The following PLEKHG3 variants were observed in gnomAD, a reference collection of about 807,000 sequenced individuals.
The protein encoded by PLEKHG3 is pleckstrin homology domain-containing family G member 3.
In PLEKHG3, 62 loss-of-function variants were observed where a neutral mutation model predicts 94.9. That is an observed-to-expected ratio of 0.65 (90% CI 0.53 to 0.81). PLEKHG3 has a LOEUF of 0.81. Among genes scored for constraint, PLEKHG3 ranks in the 30% least tolerant of loss-of-function variants. The pLI, the probability that PLEKHG3 is intolerant of heterozygous loss-of-function variation, is 0.00. For synonymous variants in PLEKHG3, 614 were observed against 654.0 expected (o/e 0.94, Z 0.93); for missense variants, 1,461 against 1,619.3 (o/e 0.90, Z 1.68).
Position 64,732,779 on chromosome 14 carries a change from T to C in PLEKHG3, c.1247-24T>C, listed in dbSNP as rs1282650812. On this transcript the variant is annotated intron_variant, in intron 11 of 16. Coordinates refer to ENST00000247226, the MANE Select transcript of PLEKHG3 (RefSeq NM_001308147.2). This position sits in a 1 kb window ranked among gnomAD's most constrained non-coding sequence, Gnocchi z 4.9. Reference sequence around the variant, plus strand: ...CAAGGCCAATTGGGAATCAAAAGCTTGATCGTCTCTCTCCTGGGTGCAGAT... The same window carrying C: ...CAAGGCCAATTGGGAATCAAAAGCTCGATCGTCTCTCTCCTGGGTGCAGAT... The C allele has an allele frequency of 1.9e-6, 3 of 1,569,682 alleles. No homozygotes were observed. Among genetic ancestry groups the C allele is most frequent in the African/African-American group, 1.3e-5 (1 of 74,438 alleles).
Position 64,728,650 on chromosome 14 carries a change from G to A in PLEKHG3, c.352-346G>A, listed in dbSNP as rs946173435. 6.6e-6 allele frequency among the ~76,000 whole-genome samples: 1 copy of A among 152,118 alleles called. No homozygotes were observed. Among genetic ancestry groups the A allele is most frequent in the African/African-American group, 2.4e-5 (1 of 41,416 alleles). On this transcript the variant is annotated intron_variant, in intron 2 of 16. Coordinates refer to ENST00000247226, the MANE Select transcript of PLEKHG3 (RefSeq NM_001308147.2). This position sits in a 1 kb window ranked among gnomAD's most constrained non-coding sequence, Gnocchi z 5.9. ...GTCCTGGCAGTCTTTGACATTGTTG[G>A]CCTGGAGATGCGGCCCAGCACCTTC...
At position 64,749,354 on chromosome 14, in the gene PLEKHG3, G is replaced by A; in HGVS notation, c.*5651G>A. 6.2e-7 allele frequency: 1 copy of A among 1,610,472 alleles called. No individual in the cohort carries two copies. Among genetic ancestry groups the A allele is most frequent in the Non-Finnish European group, 8.5e-7 (1 of 1,179,612 alleles). On this transcript the variant is annotated 3_prime_UTR_variant, in exon 17 of 17. Coordinates refer to ENST00000247226, the MANE Select transcript of PLEKHG3 (RefSeq NM_001308147.2). This position sits in a 1 kb window ranked among gnomAD's most constrained non-coding sequence, Gnocchi z 4.7. ...TGAATCTCTTCTCCTTGTCTTTCTTGCCGAGGCTGGCGTCGGGGCCGGAGA... is the reference window on the plus strand; with the variant it reads ...TGAATCTCTTCTCCTTGTCTTTCTTACCGAGGCTGGCGTCGGGGCCGGAGA...
rs1425394527 is a variant in PLEKHG3, at chr14:64,727,938, G to T, written c.307G>T (p.Glu103Ter). 6.2e-7 allele frequency: 1 copy of T among 1,605,740 alleles called. No homozygotes were observed. Among genetic ancestry groups the T allele is most frequent in the Non-Finnish European group, 8.5e-7 (1 of 1,174,032 alleles). The change falls in exon 2 of 17, where the codon GAG (glutamate) becomes TAG (stop). Residue 103 changes from glutamate to a stop codon, truncating the protein, a stop_gained. Transcript: ENST00000247226. LOFTEE classifies it high-confidence loss of function. This position sits in a 1 kb window ranked among gnomAD's most constrained non-coding sequence, Gnocchi z 6.0. Reference protein sequence around the residue: ...YLGRVVREIVETERMYVQDLR... With the variant: ...YLGRVVREIV Reference sequence around the variant, plus strand: ...GGGCCGAGTGGTGCGGGAGATCGTGGAGACAGAGCGCATGTACGTACAGGA... The same window carrying T: ...GGGCCGAGTGGTGCGGGAGATCGTGTAGACAGAGCGCATGTACGTACAGGA...
chr14:64,732,165 CCA>C lies in PLEKHG3; in HGVS notation c.1198_1199del (p.Thr400HisfsTer36). 1 of 1,613,408 alleles carries C rather than the reference CCA, an allele frequency of 6.2e-7. No individual in the cohort carries two copies. The highest frequency in any genetic ancestry group is 8.5e-7 in the Non-Finnish European group (1 of 1,179,398). On this transcript the variant is annotated frameshift_variant, in exon 10 of 17. Transcript: ENST00000247226. LOFTEE classifies it high-confidence loss of function. The surrounding 1 kb of genome is among the most constrained non-coding windows in gnomAD (Gnocchi z 4.9). ...AGGCTCATCCTAGAGAACCACCATG[CCA>C]CCATTCCCCAGAAGGTGAGTTCCCC...
chr14:64,730,141 A>G lies in PLEKHG3; in HGVS notation c.450-102A>G, dbSNP rs558542175. ...AGCCCCAGTTCTTTAGCAAAGCAAT[A>G]GGGCTGGCTGTCAGTCAGGGTTTGG... On this transcript the variant is annotated intron_variant, in intron 3 of 16. Coordinates refer to ENST00000247226, the MANE Select transcript of PLEKHG3 (RefSeq NM_001308147.2). This position sits in a 1 kb window ranked among gnomAD's most constrained non-coding sequence, Gnocchi z 5.4. The G allele has an allele frequency of 1.9e-3, 1,254 of 674,244 alleles. 4 individuals are homozygous for G. Among genetic ancestry groups the G allele is most frequent in the Non-Finnish European group, 2.8e-3 (1,079 of 379,672 alleles). 41.8% of individuals were successfully genotyped at this position (674,244 alleles called of 1,614,324 possible).
chr14:64,730,821 T>C lies in PLEKHG3; in HGVS notation c.589T>C (p.Cys197Arg), dbSNP rs751395632. 1 of 1,613,482 alleles carries C rather than the reference T, an allele frequency of 6.2e-7. No homozygotes were observed. The highest frequency in any genetic ancestry group is 2.2e-5 in the East Asian group (1 of 44,860). The change falls in exon 6 of 17, where the codon TGC (cysteine) becomes CGC (arginine). Residue 197 changes from cysteine (C) to arginine (R), a missense_variant. By Grantham distance (180) the Cys-to-Arg change is radical (BLOSUM62 -3). Transcript: ENST00000247226. This position sits in a 1 kb window ranked among gnomAD's most constrained non-coding sequence, Gnocchi z 5.4. ...YPNSVAALTE[C>R]MRDKQQAKFF... The stretch of plus-strand genomic sequence containing the variant: ...CAGCTCCGTGGCCGCCCTGACGGAA[T>C]GCATGCGGGACAAGCAGCAGGCCAA...
chr14:64,713,506 T>C (rs1252094833), intron 1 of PLEKHG3, among the ~76,000 whole-genome samples: 1 of 152,248 alleles, frequency 6.6e-6, no homozygotes, highest in East Asian at 1.9e-4. Context: ...TGTCAGTGGT[T>C]TGTGCCCTTC....
At position 64,730,427 on chromosome 14, in the gene PLEKHG3, T is replaced by G; in HGVS notation, c.519+115T>G. ...GGGGATTCCTTTCCAGGGAAAGTCC[T>G]GGGTGCTCTATCTTGAATGAGAAGG... On this transcript the variant is annotated intron_variant, in intron 4 of 16. Coordinates refer to ENST00000247226, the MANE Select transcript of PLEKHG3 (RefSeq NM_001308147.2). The surrounding 1 kb of genome is among the most constrained non-coding windows in gnomAD (Gnocchi z 5.4). The G allele has an allele frequency of 5.1e-6, 4 of 791,062 alleles. No individual in the cohort carries two copies. Among genetic ancestry groups the G allele is most frequent in the Non-Finnish European group, 8.4e-6 (4 of 474,322 alleles). 49.0% of individuals were successfully genotyped at this position (791,062 alleles called of 1,614,324 possible). A position where few individuals can be genotyped will look rare whatever the true frequency, so the allele number is the denominator to read the frequency against.
At chr14:64,709,605 G>A (rs1321186997) in intron 1 of PLEKHG3, among the ~76,000 whole-genome samples, 1 of 152,092 alleles carries the variant, frequency 6.6e-6, no homozygotes, top group African/African-American at 2.4e-5. Flanking sequence ...GGGACTGGAA[G>A]GGAAAGATGC....
Position 64,748,170 on chromosome 14 carries a change from A to AAGAC in PLEKHG3, c.*4469_*4472dup, listed in dbSNP as rs1421871444. On this transcript the variant is annotated 3_prime_UTR_variant, in exon 17 of 17. Coordinates refer to ENST00000247226, the MANE Select transcript of PLEKHG3 (RefSeq NM_001308147.2). ...TAGCTGTCACATGGGTGGTGATACC[A>AAGAC]AGACATGGCTGCGTCTGCCACCCCG... 4.7e-5 allele frequency: 7 copies of AAGAC among 149,624 alleles called. No homozygotes were observed. Among genetic ancestry groups the AAGAC allele is most frequent in the African/African-American group, 1.8e-4 (7 of 39,020 alleles). 9.3% of individuals were successfully genotyped at this position (149,624 alleles called of 1,614,324 possible). A position where few individuals can be genotyped will look rare whatever the true frequency, so the allele number is the denominator to read the frequency against.
chr14:64,708,291 A>G (rs1378225279), intron 1 of PLEKHG3, among the ~76,000 whole-genome samples: 1 of 152,074 alleles, frequency 6.6e-6, no homozygotes, highest in Non-Finnish European at 1.5e-5. Flanking sequence ...GCCAGACTCA[A>G]TGAATCACAC....
At chr14:64,736,332 C>T (rs922629181) in intron 12 of PLEKHG3, among the ~76,000 whole-genome samples, 2 of 152,248 alleles carry the variant, frequency 1.3e-5, no homozygotes, top group South Asian at 2.1e-4. Flanking sequence ...CAGCGGTCAG[C>T]GAGGCTTCGT....
At position 64,716,974 on chromosome 14, in the gene PLEKHG3, C is replaced by G. The variant is rs2081176375; in HGVS notation, c.-39-10619C>G. ...GTTTCTTAGGCGTCTCTGGTGAGGC[C>G]CCTTAGTAGGGGAAGCGGGGAACAT... On this transcript the variant is annotated intron_variant, in intron 1 of 16. Transcript: ENST00000247226. The surrounding 1 kb of genome is among the most constrained non-coding windows in gnomAD (Gnocchi z 5.0). 6.6e-6 allele frequency among the ~76,000 whole-genome samples: 1 copy of G among 152,120 alleles called. No individual in the cohort carries two copies. The highest frequency in any genetic ancestry group is 2.4e-5 in the African/African-American group (1 of 41,420).
In PLEKHG3 at chr14:64,744,799, A is replaced by T; in HGVS notation, c.*1096A>T. 1 of 125,188 alleles carries T rather than the reference A, an allele frequency of 8.0e-6. No individual in the cohort carries two copies. The highest frequency in any genetic ancestry group is 3.6e-5 in the African/African-American group (1 of 27,740). The allele number at this position is 125,188 out of a possible 1,614,324, so 7.8% of individuals were successfully genotyped here. A position where few individuals can be genotyped will look rare whatever the true frequency, so the allele number is the denominator to read the frequency against. ...TTTTTTTTTTTTTTTTTTGAGACAGAGTCTTATTCTGTCACCCAGGCTGGA... is the reference window on the plus strand; with the variant it reads ...TTTTTTTTTTTTTTTTTTGAGACAGTGTCTTATTCTGTCACCCAGGCTGGA... On this transcript the variant is annotated 3_prime_UTR_variant, in exon 17 of 17. Coordinates refer to ENST00000247226, the MANE Select transcript of PLEKHG3 (RefSeq NM_001308147.2).
rs1281905685 is a variant in PLEKHG3 at position 64,725,715 on chromosome 14, T to C, written c.-39-1878T>C. Among the ~76,000 whole-genome samples, 2 of 152,162 alleles carry C rather than the reference T, an allele frequency of 1.3e-5. No homozygotes were observed. The highest frequency in any genetic ancestry group is 4.8e-5 in the African/African-American group (2 of 41,422). ...GCACTGGGCTGCCACTGAGTCCCCA[T>C]CTGCAAGTTGAGAGGCTCATACAGA... On this transcript the variant is annotated intron_variant, in intron 1 of 16. Coordinates refer to ENST00000247226, the MANE Select transcript of PLEKHG3 (RefSeq NM_001308147.2). This position sits in a 1 kb window ranked among gnomAD's most constrained non-coding sequence, Gnocchi z 5.0.
rs150312118 is a variant in PLEKHG3, at chr14:64,741,341, A to T, written c.1824A>T (p.Arg608=). 6.2e-7 allele frequency: 1 copy of T among 1,613,504 alleles called. No homozygotes were observed. The highest frequency in any genetic ancestry group is 8.5e-7 in the Non-Finnish European group (1 of 1,180,036). The change falls in exon 16 of 17, where the codon CGA becomes CGT. Residue 608 remains arginine, a synonymous_variant. Transcript: ENST00000247226. The part of the protein sequence containing the change: ...VLDQASVIAE[R]FVSSFSRRSS... ...ACCAGGCCAGCGTCATTGCGGAGCG[A>T]TTTGTCAGCAGCTTCTCTCGGCGGA...
rs1022848840 is a variant in PLEKHG3 at position 64,716,048 on chromosome 14, C to A, written c.-40+11344C>A. ...GGGACAATGCGGCTGCCCGGCCCCT[C>A]GCCACCCTCGTGGTGCCCGGATGGG... On this transcript the variant is annotated intron_variant, in intron 1 of 16. Coordinates refer to ENST00000247226, the MANE Select transcript of PLEKHG3 (RefSeq NM_001308147.2). This position sits in a 1 kb window ranked among gnomAD's most constrained non-coding sequence, Gnocchi z 5.0. 1 of 456,212 alleles carries A rather than the reference C, an allele frequency of 2.2e-6. No individual in the cohort carries two copies. 28.3% of individuals were successfully genotyped at this position (456,212 alleles called of 1,614,324 possible).
rs1457427556 is a variant in PLEKHG3, at chr14:64,749,284, C to T, written c.*5581C>T. 7 of 1,560,952 alleles carry T rather than the reference C, an allele frequency of 4.5e-6. No homozygotes were observed. The South Asian group carries it at 4.6e-5, about 10-fold the overall frequency. On this transcript the variant is annotated 3_prime_UTR_variant, in exon 17 of 17. Transcript: ENST00000247226. The surrounding 1 kb of genome is among the most constrained non-coding windows in gnomAD (Gnocchi z 4.7). ...CCGGTCTCTGCGCGTCCCGACTCCGCCGCGCCCGCCAGCCCCACCTGCTAC... is the reference window on the plus strand; with the variant it reads ...CCGGTCTCTGCGCGTCCCGACTCCGTCGCGCCCGCCAGCCCCACCTGCTAC...
Position 64,717,757 on chromosome 14 carries a change from C to CAGCCAG in PLEKHG3, c.-39-9836_-39-9835insAGCCAG, listed in dbSNP as rs2081194359. Among the ~76,000 whole-genome samples, 1 of 152,232 alleles carries CAGCCAG rather than the reference C, an allele frequency of 6.6e-6. No homozygotes were observed. The highest frequency in any genetic ancestry group is 1.5e-5 in the Non-Finnish European group (1 of 68,048). ...CGAAGCTGTCTCTGAATAGCCAGCACCTTCCTGGGCTTCTGCATTCTTCTT... is the reference window on the plus strand; with the variant it reads ...CGAAGCTGTCTCTGAATAGCCAGCACAGCCAGCTTCCTGGGCTTCTGCATTCTTCTT... On this transcript the variant is annotated intron_variant, in intron 1 of 16. Coordinates refer to ENST00000247226, the MANE Select transcript of PLEKHG3 (RefSeq NM_001308147.2). This position sits in a 1 kb window ranked among gnomAD's most constrained non-coding sequence, Gnocchi z 4.7.
Sources: allele counts gnomAD v4.1 joint callset (sites outside exome capture counted in the v4.1 genomes callset), GRCh38; gene constraint gnomAD v4.1.1; non-coding constraint Gnocchi (gnomAD v3.1); transcripts MANE v1.5; gene names NCBI Gene and HGNC (gene_info 2026-07-23, HGNC 2026-07-21).